SCGB2B2: variants seen among roughly 807,000 people sequenced by gnomAD.
The protein encoded by SCGB2B2 is secretoglobin-like protein.
In SCGB2B2, 11 loss-of-function variants were observed where a neutral mutation model predicts 7.6. The observed-to-expected ratio is 1.45, with a 90% CI of 0.91 to 2.40. The LOEUF is 2.40. Among genes scored for constraint, SCGB2B2 ranks in the 30% most tolerant of loss-of-function variants. The pLI, the probability that SCGB2B2 is intolerant of heterozygous loss-of-function variation, is 0.00. For missense variants in SCGB2B2, 104 were observed against 115.4 expected (o/e 0.90, Z 0.45); for synonymous variants, 50 against 48.6 (o/e 1.03, Z -0.12).
At chr19:34,664,072 A>T (rs2067543501) in intron 1 of SCGB2B2, among the ~76,000 whole-genome samples, 1 of 143,816 alleles carries the variant, frequency 7.0e-6, no homozygotes, top group African/African-American at 2.6e-5. Context: ...CTCATCTCCC[A>T]AAACCCTGCC....
chr19:34,647,546 C>A (rs2067052876), intron 1 of SCGB2B2, among the ~76,000 whole-genome samples: 1 of 151,518 alleles, frequency 6.6e-6, no homozygotes, highest in Admixed American at 6.6e-5. Flanking sequence ...ATTTCTGGCC[C>A]CCATCTCAGG....
At chr19:34,657,801 C>T (rs1384425929) in intron 1 of SCGB2B2, among the ~76,000 whole-genome samples, 1 of 152,198 alleles carries the variant, frequency 6.6e-6, no homozygotes, top group Non-Finnish European at 1.5e-5. Flanking sequence ...ACATTCTTCT[C>T]AGCACCACAT....
chr19:34,654,374 T>C (rs1049337741), intron 1 of SCGB2B2, among the ~76,000 whole-genome samples: 2 of 151,166 alleles, frequency 1.3e-5, no homozygotes, highest in African/African-American at 2.5e-5. Context: ...CAGGCTAGGA[T>C]AGAGGAGCCT....
intron 1 of SCGB2B2, among the ~76,000 whole-genome samples, chr19:34,659,025 C>A (rs762528800): frequency 9.2e-5 from 14 of 152,122 alleles, no homozygotes; most frequent in Non-Finnish European, 1.8e-4. Flanking sequence ...ATAAACAGAA[C>A]CAATGACAAA....
intron 1 of SCGB2B2, among the ~76,000 whole-genome samples, chr19:34,598,537 T>C (rs934083478): frequency 6.6e-6 from 1 of 151,954 alleles, no homozygotes; most frequent in African/African-American, 2.4e-5. Context: ...TCAGCCAGGC[T>C]TTTGGGGTGG....
Position 34,596,046 on chromosome 19 carries a change from G to C in SCGB2B2, c.-1483C>G, listed in dbSNP as rs755024500. On this transcript the variant is annotated 5_prime_UTR_variant, in exon 2 of 4. Coordinates refer to ENST00000601241, the MANE Select transcript of SCGB2B2 (RefSeq NM_001025591.4). ...CACCCAGACTGAGTGGGCTCACCTC[G>C]GCCAGGCATGAGCCATCACTGTGCA... 2.0e-5 allele frequency: 3 copies of C among 152,378 alleles called. No individual in the cohort carries two copies. Among genetic ancestry groups the C allele is most frequent in the Non-Finnish European group, 2.9e-5 (2 of 68,192 alleles). 9.4% of individuals were successfully genotyped at this position (152,378 alleles called of 1,614,324 possible). A position where few individuals can be genotyped will look rare whatever the true frequency, so the allele number is the denominator to read the frequency against.
At chr19:34,622,723 C>T (rs1239905460) in intron 1 of SCGB2B2, among the ~76,000 whole-genome samples, 1 of 152,122 alleles carries the variant, frequency 6.6e-6, no homozygotes, top group African/African-American at 2.4e-5. Flanking sequence ...AAGCTTCAAC[C>T]TGAGGGTGAG....
rs1192640448 is a variant in SCGB2B2, at chr19:34,645,535, GACACAGAC to G, written c.-2032+30087_-2032+30094del. 1,345 of 138,556 alleles carry G rather than the reference GACACAGAC, an allele frequency of 9.7e-3. 17 individuals are homozygous for G. Among genetic ancestry groups the G allele is most frequent in the African/African-American group, 0.048 (1,267 of 26,266 alleles). The allele number at this position is 138,556 out of a possible 1,614,324, so 8.6% of individuals were successfully genotyped here. A position where few individuals can be genotyped will look rare whatever the true frequency, so the allele number is the denominator to read the frequency against. On this transcript the variant is annotated intron_variant, in intron 1 of 3. Coordinates refer to ENST00000601241, the MANE Select transcript of SCGB2B2 (RefSeq NM_001025591.4). The stretch of plus-strand genomic sequence containing the variant: ...ACACAGACACACACAGACACACACA[GACACAGAC>G]ACACACACACACACACACACACACA...
At chr19:34,613,102 CTT>C (rs35050277) in intron 1 of SCGB2B2, among the ~76,000 whole-genome samples, 3,572 of 141,880 alleles carry the variant, frequency 0.025, 47 homozygotes, top group East Asian at 0.068. Context: ...ATTTTCTTTT[CTT>C]TTTTTTTTTT....
chr19:34,642,740 G>A (rs938707373), intron 1 of SCGB2B2, among the ~76,000 whole-genome samples: 119 of 34,622 alleles, frequency 3.4e-3, no homozygotes, highest in South Asian at 6.7e-3. Context: ...AAAAAAAAAA[G>A]TGGGCAAAGG....
intron 1 of SCGB2B2, among the ~76,000 whole-genome samples, chr19:34,607,485 C>T (rs922111966): frequency 6.6e-6 from 1 of 152,206 alleles, no homozygotes; most frequent in Non-Finnish European, 1.5e-5. Context: ...ATTTCTGGAT[C>T]ATACGGTAGC....
At chr19:34,605,064 G>A (rs1034984059) in intron 1 of SCGB2B2, among the ~76,000 whole-genome samples, 1 of 152,088 alleles carries the variant, frequency 6.6e-6, no homozygotes, top group Admixed American at 6.6e-5. Flanking sequence ...GGCAACCACT[G>A]ATGTGCTTTC....
chr19:34,606,873 G>C (rs1351714460), intron 1 of SCGB2B2, among the ~76,000 whole-genome samples: 1 of 151,822 alleles, frequency 6.6e-6, no homozygotes, highest in Non-Finnish European at 1.5e-5. Flanking sequence ...CATAGGTTCA[G>C]GCTTTCACGG....
chr19:34,593,025 C>T lies in SCGB2B2; in HGVS notation c.*530G>A, dbSNP rs528714350. Among the ~76,000 whole-genome samples the T allele has an allele frequency of 3.3e-5, 5 of 152,116 alleles. No homozygotes were observed. In the South Asian group the frequency reaches 8.3e-4, roughly 25 times the overall value. On this transcript the variant is annotated 3_prime_UTR_variant, in exon 4 of 4. Coordinates refer to ENST00000601241, the MANE Select transcript of SCGB2B2 (RefSeq NM_001025591.4). ...GTGTTAAGGTTGATTTCCTGGGTTCCGAAAACAGGCATATCGACTGGACAC... is the reference window on the plus strand; with the variant it reads ...GTGTTAAGGTTGATTTCCTGGGTTCTGAAAACAGGCATATCGACTGGACAC...
In SCGB2B2 at chr19:34,665,453, C is replaced by T. The variant is rs138796786; in HGVS notation, c.-2032+10177G>A. The stretch of plus-strand genomic sequence containing the variant: ...CTGGTGACTCCCTGGCCACCAGCCA[C>T]CACCATCCCCCATGTCCCCAAGGCT... On this transcript the variant is annotated intron_variant, in intron 1 of 3. Transcript: ENST00000601241. 1.5e-3 allele frequency among the ~76,000 whole-genome samples: 235 copies of T among 152,316 alleles called. 2 individuals are homozygous for T. The highest frequency in any genetic ancestry group is 5.4e-3 in the African/African-American group (226 of 41,586).
At chr19:34,619,893 C>T (rs2066192407) in intron 1 of SCGB2B2, among the ~76,000 whole-genome samples, 1 of 152,114 alleles carries the variant, frequency 6.6e-6, no homozygotes, top group Non-Finnish European at 1.5e-5. Flanking sequence ...AGCTTTGTAA[C>T]TCAACTGCAC....
At chr19:34,665,190 C>T (rs572110875) in intron 1 of SCGB2B2, among the ~76,000 whole-genome samples, 1 of 152,318 alleles carries the variant, frequency 6.6e-6, no homozygotes, top group African/African-American at 2.4e-5. Context: ...CCAGGCCCCT[C>T]ACCCACACAC....
intron 1 of SCGB2B2, among the ~76,000 whole-genome samples, chr19:34,664,556 C>A (rs2067557266): frequency 6.6e-6 from 1 of 152,150 alleles, no homozygotes; most frequent in South Asian, 2.1e-4. Flanking sequence ...TCCCTGGGTC[C>A]CACAGACCCC....
chr19:34,592,903 G>C lies in SCGB2B2; in HGVS notation c.*652C>G, dbSNP rs71351778. Among the ~76,000 whole-genome samples the C allele has an allele frequency of 6.6e-6, 1 of 152,120 alleles. No homozygotes were observed. The highest frequency in any genetic ancestry group is 1.5e-5 in the Non-Finnish European group (1 of 68,024). On this transcript the variant is annotated 3_prime_UTR_variant, in exon 4 of 4. Transcript: ENST00000601241. ...GTGATTTCCCAGCCTCCAGCATCCC[G>C]AGTCCTGGGGAGCCCTGGAGGTTCT...
Sources: allele counts gnomAD v4.1 joint callset (sites outside exome capture counted in the v4.1 genomes callset), GRCh38; gene constraint gnomAD v4.1.1; transcripts MANE v1.5; gene names NCBI Gene and HGNC (gene_info 2026-07-23, HGNC 2026-07-21).